The following CDH20 variants were observed in gnomAD, a reference collection of about 807,000 sequenced individuals.
CDH20 encodes the protein cadherin-20.
In CDH20, 29 loss-of-function variants were observed where a neutral mutation model predicts 74.2. The ratio of observed to expected loss-of-function variants is 0.39; its 90% CI spans 0.29 to 0.53. The LOEUF (loss-of-function observed/expected upper bound fraction) is 0.53. Ranked by LOEUF, CDH20 falls within the 20% of genes least tolerant of loss-of-function variation. CDH20 has a pLI of 0.69. For synonymous variants in CDH20, 469 were observed against 405.4 expected (o/e 1.16, Z -1.88); for missense variants, 988 against 1,048.3 (o/e 0.94, Z 0.79).
At chr18:61,440,424 GTTGT>G (rs1162458495) in intron 1 of CDH20, among the ~76,000 whole-genome samples, 3 of 152,246 alleles carry the variant, frequency 2.0e-5, no homozygotes, top group African/African-American at 4.8e-5. Context: ...CTACTTAGGA[GTTGT>G]TTGTTTCACA....
At chr18:61,392,143 C>G in intron 1 of CDH20, among the ~76,000 whole-genome samples, 1 of 152,148 alleles carries the variant, frequency 6.6e-6, no homozygotes, top group Non-Finnish European at 1.5e-5. Flanking sequence ...CTCTCTCCCA[C>G]TTGCTCTAGT....
At chr18:61,395,269 G>T (rs1163845825) in intron 1 of CDH20, among the ~76,000 whole-genome samples, 1 of 152,158 alleles carries the variant, frequency 6.6e-6, no homozygotes, top group Non-Finnish European at 1.5e-5. Context: ...GCTTGGCAAA[G>T]TTTACAAGCC....
Position 61,538,585 on chromosome 18 carries a change from T to C in CDH20, c.1409-439T>C. Among the ~76,000 whole-genome samples, 2 of 43,330 alleles carry C rather than the reference T, an allele frequency of 4.6e-5. 1 individual carries two copies. The highest frequency in any genetic ancestry group is 2.4e-4 in the African/African-American group (2 of 8,258). 28.4% of individuals were successfully genotyped at this position (43,330 alleles called of 152,430 possible). ...TCACCAAGTAAATAACTACTTTTTG[T>C]TTGTTTGTTTGTTTTTGTTTTTGTT... On this transcript the variant is annotated intron_variant, in intron 8 of 11. Coordinates refer to ENST00000262717, the MANE Select transcript of CDH20 (RefSeq NM_031891.4).
intron 1 of CDH20, among the ~76,000 whole-genome samples, chr18:61,459,562 C>T (rs1041574528): frequency 3.3e-5 from 5 of 152,170 alleles, no homozygotes; most frequent in African/African-American, 1.2e-4. Flanking sequence ...TAGATGTTCT[C>T]AAAGTGTGCC....
intron 1 of CDH20, among the ~76,000 whole-genome samples, chr18:61,470,189 G>T (rs926765226): frequency 8.5e-5 from 13 of 152,204 alleles, no homozygotes; most frequent in Non-Finnish European, 1.6e-4. Flanking sequence ...ACCCTGGGGG[G>T]TGTGGAGAAA....
At chr18:61,455,817 A>C (rs1909553845) in intron 1 of CDH20, among the ~76,000 whole-genome samples, 1 of 152,236 alleles carries the variant, frequency 6.6e-6, no homozygotes, top group East Asian at 1.9e-4. Flanking sequence ...ATTTATCATA[A>C]AGAGTGAACC....
chr18:61,494,437 T>C (rs894811286), intron 2 of CDH20, among the ~76,000 whole-genome samples: 1 of 152,242 alleles, frequency 6.6e-6, no homozygotes, highest in African/African-American at 2.4e-5. Flanking sequence ...AACAGTCATC[T>C]GATCCAATCC....
At chr18:61,416,027 A>C (rs1300846553) in intron 1 of CDH20, among the ~76,000 whole-genome samples, 1 of 144,778 alleles carries the variant, frequency 6.9e-6, no homozygotes, top group Non-Finnish European at 1.5e-5. Context: ...ATGTACTAAC[A>C]CAATGTTCCA....
At chr18:61,357,178 T>G (rs1314641434) in intron 1 of CDH20, among the ~76,000 whole-genome samples, 1 of 152,200 alleles carries the variant, frequency 6.6e-6, no homozygotes, top group African/African-American at 2.4e-5. Flanking sequence ...AAACTAGATT[T>G]TACCCGTCTT....
intron 10 of CDH20, among the ~76,000 whole-genome samples, chr18:61,545,747 T>C (rs182886019): frequency 0.014 from 2,084 of 152,188 alleles, 27 homozygotes; most frequent in South Asian, 0.03. Flanking sequence ...CAAAGGATAA[T>C]AGAGATAACA....
At chr18:61,527,372 TA>T (rs1376446101) in intron 6 of CDH20, among the ~76,000 whole-genome samples, 2 of 101,126 alleles carry the variant, frequency 2.0e-5, no homozygotes. Context: ...TTCTAATAGA[TA>T]GATAGATAGA....
At chr18:61,390,566 T>A (rs1011106174) in intron 1 of CDH20, among the ~76,000 whole-genome samples, 2 of 152,192 alleles carry the variant, frequency 1.3e-5, no homozygotes, top group Non-Finnish European at 2.9e-5. Context: ...AAAACTGCAC[T>A]GCCAGATATA....
intron 1 of CDH20, among the ~76,000 whole-genome samples, chr18:61,433,948 A>G (rs1908741361): frequency 1.3e-5 from 2 of 152,086 alleles, no homozygotes; most frequent in Non-Finnish European, 2.9e-5. Context: ...CAACACAGAG[A>G]AGGTATTGAG....
chr18:61,505,014 T>C (rs1488771436), intron 5 of CDH20, among the ~76,000 whole-genome samples: 1 of 152,136 alleles, frequency 6.6e-6, no homozygotes, highest in Non-Finnish European at 1.5e-5. Flanking sequence ...TGGATGGACT[T>C]TGTATTGCTT....
chr18:61,393,370 A>T (rs1379952275), intron 1 of CDH20, among the ~76,000 whole-genome samples: 2 of 152,178 alleles, frequency 1.3e-5, no homozygotes, highest in Non-Finnish European at 2.9e-5. Flanking sequence ...CTGTATTTTT[A>T]AAATTTGGAA....
At position 61,476,172 on chromosome 18, in the gene CDH20, C is replaced by T. The variant is rs1053032032; in HGVS notation, c.-152-14230C>T. On this transcript the variant is annotated intron_variant, in intron 1 of 11. Transcript: ENST00000262717. The stretch of plus-strand genomic sequence containing the variant: ...CAGTGACTCATAACCAAGAGAATGC[C>T]GCAGAAGACATGGCTTCTGCTTCAA... 9.9e-5 allele frequency among the ~76,000 whole-genome samples: 15 copies of T among 152,204 alleles called. No homozygotes were observed. The East Asian group carries it at 2.1e-3, about 22-fold the overall frequency.
rs544615330 is a variant in CDH20 at position 61,409,007 on chromosome 18, GA to G, written c.-153+75185del. Among the ~76,000 whole-genome samples, 38 of 152,146 alleles carry G rather than the reference GA, an allele frequency of 2.5e-4. 1 individual carries two copies. Among genetic ancestry groups the G allele is most frequent in the African/African-American group, 9.2e-4 (38 of 41,526 alleles). Reference sequence around the variant, plus strand: ...TTAAAAGTAAGCACAAATTTAATCAGAAAAAGCAGTAGCATCTGACTCTGTA... The same window carrying G: ...TTAAAAGTAAGCACAAATTTAATCAGAAAAGCAGTAGCATCTGACTCTGTA... On this transcript the variant is annotated intron_variant, in intron 1 of 11. Transcript: ENST00000262717.
At chr18:61,540,417 G>T (rs959410195) in intron 9 of CDH20, among the ~76,000 whole-genome samples, 1 of 152,110 alleles carries the variant, frequency 6.6e-6, no homozygotes, top group East Asian at 1.9e-4. Flanking sequence ...GAAAAAGAAG[G>T]TTAATGGACT....
chr18:61,411,564 A>ATGTG (rs1204699253), intron 1 of CDH20, among the ~76,000 whole-genome samples: 2 of 19,050 alleles, frequency 1.0e-4, no homozygotes, highest in African/African-American at 2.8e-4. Context: ...ATGTGTATAT[A>ATGTG]TGTGTGTGTG....
Sources: gnomAD v4.1 joint callset for allele counts (sites outside exome capture counted in the v4.1 genomes callset) on GRCh38, gnomAD v4.1.1 for gene constraint, MANE v1.5 for transcripts, NCBI Gene and HGNC (gene_info 2026-07-23, HGNC 2026-07-21) for gene names.